The following CDKL4 variants were observed in gnomAD, a reference collection of about 807,000 sequenced individuals.
CDKL4 encodes the protein cyclin-dependent kinase-like 4.
In CDKL4, 44 loss-of-function variants were observed where a neutral mutation model predicts 42.0. That is an observed-to-expected ratio of 1.05 (90% CI 0.82 to 1.35). CDKL4 has a LOEUF of 1.35. Among genes scored for constraint, CDKL4 ranks in the 40% most tolerant of loss-of-function variants. CDKL4 has a pLI of 0.00. For missense variants in CDKL4, 393 were observed against 369.9 expected (o/e 1.06, Z -0.51); for synonymous variants, 120 against 121.6 (o/e 0.99, Z 0.09).
chr2:39,227,869 G>GT (rs1176212985), intron 2 of CDKL4, among the ~76,000 whole-genome samples: 2 of 152,210 alleles, frequency 1.3e-5, no homozygotes, highest in African/African-American at 4.8e-5. Flanking sequence ...CAGGAAAACA[G>GT]TAACTTGCCT....
At chr2:39,184,722 A>ATG (rs141702509) in intron 7 of CDKL4, 75 bp from the exon 8 acceptor site, 63,212 of 757,644 alleles carry the variant, frequency 0.083, 1,194 homozygotes, top group Non-Finnish European at 0.091. Flanking sequence ...GTGCGTATGT[A>ATG]TGTGTGTGTG....
exon 2 of CDKL4, chr2:39,229,369 A>G: frequency 1.1e-5 from 17 of 1,585,820 alleles, no homozygotes; most frequent in Non-Finnish European, 1.4e-5. Flanking sequence ...ACTTACCTTC[A>G]ACATACGTAT....
chr2:39,187,592 A>G (rs761106097), intron 7 of CDKL4, 35 bp downstream of exon 7: 1 of 1,402,460 alleles, frequency 7.1e-7, no homozygotes, highest in Admixed American at 2.0e-5. Flanking sequence ...AAGCCGCAAC[A>G]CAAGTAATAA....
At chr2:39,178,573 A>T in intron 9 of CDKL4, 1 of 1,551,666 alleles carries the variant, frequency 6.4e-7, no homozygotes, top group Non-Finnish European at 8.7e-7. Flanking sequence ...AAGTTTTCTG[A>T]AAGCAAGTGA....
chr2:39,205,854 C>T (rs1411792029), intron 4 of CDKL4, among the ~76,000 whole-genome samples: 2 of 151,624 alleles, frequency 1.3e-5, no homozygotes, highest in African/African-American at 2.4e-5. Context: ...CTGCCCTGGG[C>T]GAGCTGGGGC....
chr2:39,242,060 A>G (rs1426158777), intron 1 of CDKL4, among the ~76,000 whole-genome samples: 2 of 144,768 alleles, frequency 1.4e-5, no homozygotes, highest in Non-Finnish European at 3.0e-5. Context: ...TTTTTTTTTT[A>G]ACTGAGACAG....
intron 8 of CDKL4, 118 bp from the exon 9 acceptor site, chr2:39,179,439 G>T: frequency 2.6e-6 from 2 of 768,944 alleles, no homozygotes; most frequent in South Asian, 2.6e-5. Flanking sequence ...TCCAGTTTGT[G>T]TATTATCAAG....
intron 2 of CDKL4, among the ~76,000 whole-genome samples, chr2:39,226,434 A>ATATATATATTATATATAT (rs1678720022): frequency 9.8e-6 from 1 of 101,572 alleles, no homozygotes; most frequent in Non-Finnish European, 2.1e-5. Context: ...TATTTATATA[A>ATATATATATTATATATAT]ATTATATATA....
At chr2:39,217,381 G>A (rs914169481) in intron 3 of CDKL4, among the ~76,000 whole-genome samples, 16 of 152,164 alleles carry the variant, frequency 1.1e-4, no homozygotes, top group African/African-American at 3.9e-4. Flanking sequence ...AATTCAGACT[G>A]AACTGCTCAG....
chr2:39,187,242 A>G (rs185702970), intron 7 of CDKL4, among the ~76,000 whole-genome samples: 1,694 of 152,230 alleles, frequency 0.011, 16 homozygotes, highest in Non-Finnish European at 0.019. Context: ...AGGCCTCCCC[A>G]GCCATGCTGG....
At chr2:39,244,314 T>G (rs1679813378), upstream of CDKL4, among the ~76,000 whole-genome samples, 1 of 152,184 alleles carries the variant, frequency 6.6e-6, no homozygotes, top group African/African-American at 2.4e-5. Flanking sequence ...GCACGGCGCT[T>G]GCGGGCCAGC....
intron 3 of CDKL4, among the ~76,000 whole-genome samples, chr2:39,221,922 C>T (rs956686332): frequency 5.3e-5 from 8 of 152,192 alleles, no homozygotes; most frequent in Admixed American, 6.5e-5. Context: ...AACATTAACC[C>T]AATCAACATA....
chr2:39,194,057 C>A (rs1676361094), intron 5 of CDKL4, among the ~76,000 whole-genome samples: 1 of 152,014 alleles, frequency 6.6e-6, no homozygotes, highest in African/African-American at 2.4e-5. Flanking sequence ...ATGGGAGATT[C>A]CTAAAAGTGA....
rs1482049698 is a variant in CDKL4 at position 39,185,422 on chromosome 2, ATATACATATGTATATATACATG to A, written c.736-797_736-776del. On this transcript the variant is annotated intron_variant, in intron 7 of 9. Coordinates refer to ENST00000451199, the Ensembl canonical transcript of CDKL4. ...TACATATGTGTATATATACATATAT[ATATACATATGTATATATACATG>A]TATATATACATATGTGTATATATAT... Among the ~76,000 whole-genome samples, 21 of 20,930 alleles carry A rather than the reference ATATACATATGTATATATACATG, an allele frequency of 1.0e-3. 7 individuals carry two copies. Among genetic ancestry groups the A allele is most frequent in the African/African-American group, 1.8e-3 (21 of 11,830 alleles). The allele number at this position is 20,930 out of a possible 152,430, so 13.7% of individuals were successfully genotyped here. A position where few individuals can be genotyped will look rare whatever the true frequency, so the allele number is the denominator to read the frequency against.
At chr2:39,214,210 A>G (rs912284296) in intron 3 of CDKL4, among the ~76,000 whole-genome samples, 4 of 152,218 alleles carry the variant, frequency 2.6e-5, no homozygotes, top group African/African-American at 7.2e-5. Context: ...GGTGTGAGAC[A>G]CTATGCCCGG....
At chr2:39,201,245 A>C (rs990434127) in intron 5 of CDKL4, among the ~76,000 whole-genome samples, 1 of 152,148 alleles carries the variant, frequency 6.6e-6, no homozygotes, top group Non-Finnish European at 1.5e-5. Flanking sequence ...GGGAAACGCA[A>C]ATCAAAACCA....
At chr2:39,188,290 C>T (rs576029507) in intron 6 of CDKL4, among the ~76,000 whole-genome samples, 8 of 151,130 alleles carry the variant, frequency 5.3e-5, no homozygotes, top group Admixed American at 1.3e-4. Context: ...AGGCTGGGTG[C>T]GGTGGCTCAC....
chr2:39,215,046 C>G (rs971873656), intron 3 of CDKL4, among the ~76,000 whole-genome samples: 16 of 152,210 alleles, frequency 1.1e-4, no homozygotes, highest in African/African-American at 3.9e-4. Flanking sequence ...GATGCCTTCA[C>G]ATTTACACAC....
At chr2:39,194,225 G>A (rs1195544829) in intron 5 of CDKL4, among the ~76,000 whole-genome samples, 1 of 152,200 alleles carries the variant, frequency 6.6e-6, no homozygotes, top group Non-Finnish European at 1.5e-5. Context: ...GGGAGGCCGA[G>A]GTGGAAGGAT....
Sources: allele counts gnomAD v4.1 joint callset (sites outside exome capture counted in the v4.1 genomes callset), GRCh38; gene constraint gnomAD v4.1.1; transcripts MANE v1.5; gene names NCBI Gene and HGNC (gene_info 2026-07-23, HGNC 2026-07-21).